The following WDR19 variants were observed in gnomAD, a reference collection of about 807,000 sequenced individuals.
WDR19 encodes WD repeat-containing protein 19.
A neutral mutation model predicts 180.0 loss-of-function variants in WDR19; 121 were observed. That is an observed-to-expected ratio of 0.67 (90% confidence interval 0.58 to 0.78). WDR19 has a LOEUF of 0.78. WDR19 is among the 30% of genes least tolerant of loss of function. The pLI, the probability that WDR19 is intolerant of heterozygous loss-of-function variation, is 0.00. For missense variants in WDR19, 1,450 were observed against 1,640.7 expected (o/e 0.88, Z 2.01); for synonymous variants, 497 against 540.7 (o/e 0.92, Z 1.12).
Position 39,185,728 on chromosome 4 carries a change from T to C in WDR19, c.9T>C (p.Arg3=), listed in dbSNP as rs1408492113. The part of the protein sequence containing the change: MK[R]IFSLLEKTWL... The stretch of plus-strand genomic sequence containing the variant: ...TAAAAATTGTGTTTATTTTTTAGCG[T>C]ATTTTCTCACTGCTAGAAAAGACTT... Residue 3 remains arginine (R), a splice_region_variant and synonymous_variant, in exon 2 of 37, where the codon CGT becomes CGC. Transcript: ENST00000399820. 1 of 1,553,936 alleles carries C rather than the reference T, an allele frequency of 6.4e-7. No homozygotes were observed. The highest frequency in any genetic ancestry group is 8.7e-7 in the Non-Finnish European group (1 of 1,147,990).
chr4:39,195,119 G>A (rs778145922), intron 5 of WDR19, among the ~76,000 whole-genome samples: 17 of 152,232 alleles, frequency 1.1e-4, no homozygotes, highest in Non-Finnish European at 2.1e-4. Context: ...TGTAATCCCA[G>A]CACTTTGGGA....
intron 5 of WDR19, among the ~76,000 whole-genome samples, chr4:39,199,098 A>G (rs1290562682): frequency 6.6e-6 from 1 of 152,132 alleles, no homozygotes; most frequent in Non-Finnish European, 1.5e-5. Flanking sequence ...CCTGGGAAGC[A>G]GAGGTTGCAG....
chr4:39,232,187 C>T lies in WDR19; in HGVS notation c.2168C>T (p.Ala723Val). 6.2e-7 allele frequency: 1 copy of T among 1,613,508 alleles called. No homozygotes were observed. Among genetic ancestry groups the T allele is most frequent in the Non-Finnish European group, 8.5e-7 (1 of 1,179,762 alleles). Reference protein sequence around the residue: ...IKGIEDYNLLAGHLAMFTNDY... With the variant: ...IKGIEDYNLLVGHLAMFTNDY... The stretch of plus-strand genomic sequence containing the variant: ...GGAATAGAGGACTACAATCTTTTGG[C>T]AGGACACCTTGCCATGTTTACCAAC... Residue 723 changes from alanine (A) to valine (V), a missense_variant, in exon 19 of 37, where the codon GCA (alanine) becomes GTA (valine). Coordinates refer to ENST00000399820, the MANE Select transcript of WDR19 (RefSeq NM_025132.4).
chr4:39,185,989 A>G (rs1160820987), intron 2 of WDR19, among the ~76,000 whole-genome samples, 172 bp downstream of exon 2: 1 of 151,738 alleles, frequency 6.6e-6, no homozygotes, highest in Admixed American at 6.6e-5. Context: ...TCCGCCTCCC[A>G]GGTTCAAGTG....
In WDR19 at chr4:39,186,522, G is replaced by A. The variant is rs1725573303; in HGVS notation, c.99-17G>A. ...AAAAAAAAGTAAATCATATCTTTATGTTCTGATTGCTTTCAGAGCTGATTA... is the reference window on the plus strand; with the variant it reads ...AAAAAAAAGTAAATCATATCTTTATATTCTGATTGCTTTCAGAGCTGATTA... On this transcript the variant is annotated splice_polypyrimidine_tract_variant and intron_variant, in intron 2 of 36. Coordinates refer to ENST00000399820, the MANE Select transcript of WDR19 (RefSeq NM_025132.4). 4 of 681,568 alleles carry A rather than the reference G, an allele frequency of 5.9e-6. No homozygotes were observed. The East Asian group carries it at 1.5e-4, about 25-fold the overall frequency. The allele number at this position is 681,568 out of a possible 1,614,324, so 42.2% of individuals were successfully genotyped here.
intron 14 of WDR19, among the ~76,000 whole-genome samples, chr4:39,219,819 T>G (rs928707541): frequency 2.0e-5 from 3 of 152,186 alleles, no homozygotes; most frequent in African/African-American, 7.2e-5. Flanking sequence ...TTATAGCATC[T>G]TATATTTGTA....
chr4:39,187,389 C>T (rs1577826243), intron 3 of WDR19, among the ~76,000 whole-genome samples: 2 of 143,958 alleles, frequency 1.4e-5, no homozygotes, highest in African/African-American at 5.2e-5. Context: ...TACTGTACTC[C>T]AGCCTGGGTG....
chr4:39,197,726 T>TCTGATGTTACTCATTAGCATAGTTA (rs1281985631), intron 5 of WDR19, among the ~76,000 whole-genome samples: 1 of 152,240 alleles, frequency 6.6e-6, no homozygotes, highest in Admixed American at 6.5e-5. Context: ...TTAGTGGCTA[T>TCTGATGTTACTCATTAGCATAGTTA]CTGATGTTAC....
At chr4:39,186,737 C>T in intron 3 of WDR19, 133 bp downstream of exon 3, 3 of 600,694 alleles carry the variant, frequency 5.0e-6, no homozygotes, top group Non-Finnish European at 5.6e-6. Flanking sequence ...GTTTTTTTAG[C>T]CATAAGTAGT....
chr4:39,184,490 G>C (rs1048445364), intron 1 of WDR19, among the ~76,000 whole-genome samples: 17 of 151,850 alleles, frequency 1.1e-4, no homozygotes, highest in Admixed American at 1.0e-3. Flanking sequence ...ATTTTGAGAC[G>C]AAGTCTTGCT....
intron 24 of WDR19, among the ~76,000 whole-genome samples, chr4:39,252,505 TAATAATAAAA>T (rs1048839913): frequency 8.1e-5 from 12 of 147,766 alleles, no homozygotes; most frequent in Non-Finnish European, 1.3e-4. Context: ...ACTTAAAGTA[TAATAATAAAA>T]AATAATAAAA....
At position 39,280,958 on chromosome 4, in the gene WDR19, G is replaced by A. The variant is rs1031377605; in HGVS notation, c.*13+2295G>A. Among the ~76,000 whole-genome samples, 6 of 152,054 alleles carry A rather than the reference G, an allele frequency of 3.9e-5. No individual in the cohort carries two copies. The East Asian group carries it at 5.8e-4, about 15-fold the overall frequency. ...TTGCATGTAGATATCCAGCTGACCCGGCAGAATTTGCTGAAAAGACAAATT... is the reference window on the plus strand; with the variant it reads ...TTGCATGTAGATATCCAGCTGACCCAGCAGAATTTGCTGAAAAGACAAATT... On this transcript the variant is annotated intron_variant, in intron 36 of 36. Transcript: ENST00000399820.
rs1476588496 is a variant in WDR19, at chr4:39,224,938, C to T, written c.1534C>T (p.Arg512Ter). Residue 512 changes from arginine to a stop codon, truncating the protein, a stop_gained, in exon 15 of 37, where the codon CGA (arginine) becomes TGA (stop). Coordinates refer to ENST00000399820, the MANE Select transcript of WDR19 (RefSeq NM_025132.4). LOFTEE classifies it high-confidence loss of function. ...IEDWQFVNDY[R>*]HPVSVKKIFP... ...AGACTGGCAATTCGTTAATGATTAT[C>T]GACATCCTGTCAGTGTGAAAAAGAT... The T allele has an allele frequency of 6.3e-6, 10 of 1,577,718 alleles. No homozygotes were observed. Among genetic ancestry groups the T allele is most frequent in the South Asian group, 4.7e-5 (4 of 86,018 alleles).
chr4:39,197,911 G>A (rs984046420), intron 5 of WDR19, among the ~76,000 whole-genome samples: 13 of 152,096 alleles, frequency 8.5e-5, no homozygotes, highest in Non-Finnish European at 1.3e-4. Flanking sequence ...GGATTACGGC[G>A]CACTGCAGCC....
chr4:39,264,552 A>T (rs192126712), intron 28 of WDR19, among the ~76,000 whole-genome samples: 1 of 152,250 alleles, frequency 6.6e-6, no homozygotes, highest in African/African-American at 2.4e-5. Context: ...TAACTTGCAG[A>T]CTTGTCCTCA....
chr4:39,253,211 T>C lies in WDR19; in HGVS notation c.2795T>C (p.Leu932Pro). The C allele has an allele frequency of 1.2e-6, 2 of 1,613,672 alleles. No individual in the cohort carries two copies. Among genetic ancestry groups the C allele is most frequent in the Non-Finnish European group, 1.7e-6 (2 of 1,179,744 alleles). The change falls in exon 25 of 37, where the codon CTG becomes CCG. Residue 932 changes from leucine to proline, a missense_variant. By Grantham distance (98) the Leu-to-Pro change is moderately conservative. Coordinates refer to ENST00000399820, the MANE Select transcript of WDR19 (RefSeq NM_025132.4). ...TGGCAAAGTGTAATCCGCATCTATC[T>C]GGATCACCTCAATAATCCTGAAAAA... is the stretch of plus-strand genomic sequence containing the variant. ...KQWQSVIRIY[L>P]DHLNNPEKAV... is the part of the protein sequence containing the mutation.
chr4:39,277,243 C>T, intron 34 of WDR19, 100 bp downstream of exon 34: 1 of 1,315,340 alleles, frequency 7.6e-7, no homozygotes, highest in Non-Finnish European at 1.0e-6. Context: ...TTAAAATAAT[C>T]TTATCCCTCA....
intron 21 of WDR19, among the ~76,000 whole-genome samples, chr4:39,242,826 C>A (rs1162124638): frequency 1.3e-5 from 2 of 152,072 alleles, no homozygotes; most frequent in East Asian, 1.9e-4. Flanking sequence ...TGGGCCACCA[C>A]GATTGGCTAA....
At chr4:39,266,461 G>A (rs1734806301) in intron 29 of WDR19, among the ~76,000 whole-genome samples, 2 of 152,182 alleles carry the variant, frequency 1.3e-5, no homozygotes, top group Non-Finnish European at 2.9e-5. Context: ...GCTGTCCAGG[G>A]CCACATGTGG....
Sources: allele counts gnomAD v4.1 joint callset (sites outside exome capture counted in the v4.1 genomes callset), GRCh38; gene constraint gnomAD v4.1.1; transcripts MANE v1.5; gene names NCBI Gene and HGNC (gene_info 2026-07-23, HGNC 2026-07-21).